ZNF268: variants seen among roughly 807,000 people sequenced by gnomAD.
ZNF268 encodes zinc finger protein 3.
Under a neutral mutation model 29.3 loss-of-function variants are expected in ZNF268, and 20 were observed. The observed-to-expected ratio is 0.68, with a 90% CI of 0.48 to 0.99. ZNF268 has a LOEUF of 0.99. Among genes scored for constraint, ZNF268 ranks in the 50% least tolerant of loss-of-function variants. The probability of loss-of-function intolerance (pLI) is 0.00; values close to 1 mark genes in which losing one functional copy is unlikely to be tolerated. For synonymous variants in ZNF268, 429 were observed against 376.9 expected, an observed-to-expected ratio of 1.14 and a Z score of -1.60; for missense variants, 1,240 against 1,121.6, an observed-to-expected ratio of 1.11 and a Z score of -1.51.
intron 5 of ZNF268, chr12:133,193,591 A>G: frequency 1.7e-6 from 1 of 575,896 alleles, no homozygotes; most frequent in Non-Finnish European, 3.1e-6. Flanking sequence ...CATTCCCTCA[A>G]GCCCTTTTAG....
rs920537444 is a variant in ZNF268, at chr12:133,205,380, A to G, written c.*850A>G. ...TAAGAAATAACATCCCAGAGCCTAC[A>G]GGGATATTTAGATATCTTCCTATGT... On this transcript the variant is annotated 3_prime_UTR_variant, in exon 6 of 6. Coordinates refer to ENST00000536435, the MANE Select transcript of ZNF268 (RefSeq NM_003415.3). The G allele has an allele frequency of 2.0e-5, 3 of 152,222 alleles. No homozygotes were observed. In the South Asian group the frequency reaches 6.2e-4, roughly 32 times the overall value. The allele number at this position is 152,222 out of a possible 1,614,324, so 9.4% of individuals were successfully genotyped here.
rs1286587451 is a variant in ZNF268 at position 133,212,516 on chromosome 12, CAT to C, written c.*7988_*7989del. 2.1e-4 allele frequency: 14 copies of C among 67,580 alleles called. No homozygotes were observed. The highest frequency in any genetic ancestry group is 3.1e-4 in the Non-Finnish European group (11 of 35,654). The allele number at this position is 67,580 out of a possible 1,614,324, so 4.2% of individuals were successfully genotyped here. A position where few individuals can be genotyped will look rare whatever the true frequency, so the allele number is the denominator to read the frequency against. ...ATATATATGTATATATACACACACA[CAT>C]ACACACATATATACACATATATATA... On this transcript the variant is annotated 3_prime_UTR_variant, in exon 6 of 6. Coordinates refer to ENST00000536435, the MANE Select transcript of ZNF268 (RefSeq NM_003415.3).
chr12:133,184,608 T>C (rs1956260744), intron 2 of ZNF268: 1 of 349,182 alleles, frequency 2.9e-6, no homozygotes, highest in Non-Finnish European at 6.0e-6. Flanking sequence ...CGCACCTCTT[T>C]ATTTATTTAT....
At chr12:133,197,618 C>A (rs1007888791) in intron 5 of ZNF268, among the ~76,000 whole-genome samples, 2 of 152,210 alleles carry the variant, frequency 1.3e-5, no homozygotes, top group African/African-American at 4.8e-5. Flanking sequence ...GCCACACTGA[C>A]TTCCACAATG....
rs1957008578 is a variant in ZNF268, at chr12:133,212,881, ACTCT to A, written c.*8352_*8355del. On this transcript the variant is annotated 3_prime_UTR_variant, in exon 6 of 6. Coordinates refer to ENST00000536435, the MANE Select transcript of ZNF268 (RefSeq NM_003415.3). Reference sequence around the variant, plus strand: ...TTTGGTTTTTTTGAAATGGAGTTTCACTCTGTCACCCAGGCTGGAGTGCAGTGGC... The same window carrying A: ...TTTGGTTTTTTTGAAATGGAGTTTCAGTCACCCAGGCTGGAGTGCAGTGGC... 1 of 151,904 alleles carries A rather than the reference ACTCT, an allele frequency of 6.6e-6. No homozygotes were observed. The highest frequency in any genetic ancestry group is 2.1e-4 in the South Asian group (1 of 4,814). 9.4% of individuals were successfully genotyped at this position (151,904 alleles called of 1,614,324 possible).
chr12:133,211,672 TAAAAC>T lies in ZNF268; in HGVS notation c.*7145_*7149del, dbSNP rs1566396457. The T allele has an allele frequency of 2.0e-5, 3 of 152,132 alleles. No homozygotes were observed. Among genetic ancestry groups the T allele is most frequent in the African/African-American group, 7.3e-5 (3 of 41,312 alleles). The allele number at this position is 152,132 out of a possible 1,614,324, so 9.4% of individuals were successfully genotyped here. ...CACTTGTCATGAGGGAAAAGCAAAT[TAAAAC>T]AACGAGATAGCACCGCACATCTATT... On this transcript the variant is annotated 3_prime_UTR_variant, in exon 6 of 6. Coordinates refer to ENST00000536435, the MANE Select transcript of ZNF268 (RefSeq NM_003415.3).
In ZNF268 at chr12:133,203,322, C is replaced by T; in HGVS notation, c.1636C>T (p.His546Tyr). 2 of 1,544,526 alleles carry T rather than the reference C, an allele frequency of 1.3e-6. No individual in the cohort carries two copies. The highest frequency in any genetic ancestry group is 1.2e-5 in the South Asian group (1 of 84,360). ...AFSFKSQLII[H>Y]QRIHTGENPY... ...CAGTTTTAAATCACAGCTCATTATACATCAGAGGATTCATACAGGAGAGAA... is the reference window on the plus strand; with the variant it reads ...CAGTTTTAAATCACAGCTCATTATATATCAGAGGATTCATACAGGAGAGAA... The change falls in exon 6 of 6, where the codon CAT becomes TAT. Residue 546 changes from histidine to tyrosine, a missense_variant. Around this residue, in one of 3 missense-constraint regions of ZNF268, gnomAD observed 1,177 missense variants for 1,039.6 expected, o/e 1.13. Coordinates refer to ENST00000536435, the MANE Select transcript of ZNF268 (RefSeq NM_003415.3).
Position 133,191,477 on chromosome 12 carries a change from A to T in ZNF268, c.235-12A>T, listed in dbSNP as rs367922004. ...AAATAACTTGAAATTGGATGAGCAT[A>T]TTGTATTTCAGGGACCTTTGTCATT... On this transcript the variant is annotated splice_polypyrimidine_tract_variant and intron_variant, in intron 3 of 5. Transcript: ENST00000536435. The T allele has an allele frequency of 1.2e-5, 19 of 1,613,828 alleles. No homozygotes were observed. The African/African-American group carries it at 2.3e-4, about 19-fold the overall frequency.
At chr12:133,181,746 C>T (rs899328522) in intron 1 of ZNF268, 60 bp downstream of exon 1, 5 of 549,620 alleles carry the variant, frequency 9.1e-6, no homozygotes, top group Non-Finnish European at 1.6e-5. Context: ...TGCCTTAGCT[C>T]TCTCCTGCTG....
chr12:133,195,621 C>G (rs998309257), intron 5 of ZNF268, among the ~76,000 whole-genome samples: 2 of 152,238 alleles, frequency 1.3e-5, no homozygotes, highest in Admixed American at 1.3e-4. Flanking sequence ...GTTGGAAGAT[C>G]AGTTGAGTCT....
chr12:133,190,846 G>T (rs1321244331), intron 3 of ZNF268, among the ~76,000 whole-genome samples: 2 of 152,082 alleles, frequency 1.3e-5, no homozygotes, highest in African/African-American at 4.8e-5. Context: ...AGTGCTAAAA[G>T]CTTCTTGGTG....
rs966355826 is a variant in ZNF268 at position 133,204,132 on chromosome 12, G to A, written c.2446G>A (p.Ala816Thr). Residue 816 changes from alanine to threonine, a missense_variant, in exon 6 of 6, where the codon GCC becomes ACC. Ala to Thr is a moderately conservative substitution (Grantham distance 58, BLOSUM62 0). Transcript: ENST00000536435. ...ATATGAATGTAATGAATGTGGGAAA[G>A]CCTTCATTTGGAAATCACTACTCAT... ...KPYECNECGK[A>T]FIWKSLLIVH... 5 of 1,543,858 alleles carry A rather than the reference G, an allele frequency of 3.2e-6. No homozygotes were observed. In the African/African-American group the frequency reaches 5.5e-5, roughly 17 times the overall value.
At chr12:133,183,871 A>C (rs112287934) in intron 2 of ZNF268, among the ~76,000 whole-genome samples, 2,253 of 152,334 alleles carry the variant, frequency 0.015, 22 homozygotes, top group South Asian at 0.043. Flanking sequence ...AGTAAGACAA[A>C]ATAGAGACAT....
rs1956943969 is a variant in ZNF268 at position 133,208,967 on chromosome 12, T to TG, written c.*4439dup. ...TGCATTTTTTTTTTTTTTTTTGAGA[T>TG]GGAGTCTCGCTGTATTGCCAGGCTG... On this transcript the variant is annotated 3_prime_UTR_variant, in exon 6 of 6. Transcript: ENST00000536435. 1 of 137,516 alleles carries TG rather than the reference T, an allele frequency of 7.3e-6. No homozygotes were observed. The highest frequency in any genetic ancestry group is 2.7e-5 in the African/African-American group (1 of 37,094). 8.5% of individuals were successfully genotyped at this position (137,516 alleles called of 1,614,324 possible).
At position 133,204,088 on chromosome 12, in the gene ZNF268, C is replaced by A; in HGVS notation, c.2402C>A (p.Thr801Asn). ...SKSYLIIHMR[T>N]HSGEKPYECN... is the part of the protein sequence containing the mutation. ...TCATACCTAATTATACACATGAGAACTCATTCAGGTGAAAAACCATATGAA... is the reference window on the plus strand; with the variant it reads ...TCATACCTAATTATACACATGAGAAATCATTCAGGTGAAAAACCATATGAA... The change falls in exon 6 of 6, where the codon ACT (threonine) becomes AAT (asparagine). Residue 801 changes from threonine (T) to asparagine (N), a missense_variant. Physicochemically the swap from Thr to Asn is moderately conservative, Grantham distance 65. This residue lies in a region of ZNF268 where 1,177 missense variants were observed against 1,039.6 expected (regional missense o/e 1.13). Coordinates refer to ENST00000536435, the MANE Select transcript of ZNF268 (RefSeq NM_003415.3). 1 of 1,549,822 alleles carries A rather than the reference C, an allele frequency of 6.5e-7. No homozygotes were observed. Among genetic ancestry groups the A allele is most frequent in the Non-Finnish European group, 8.7e-7 (1 of 1,150,068 alleles).
In ZNF268 at chr12:133,208,984, G is replaced by GC. The variant is rs1328315240; in HGVS notation, c.*4456dup. The GC allele has an allele frequency of 7.5e-6, 1 of 133,914 alleles. No individual in the cohort carries two copies. 8.3% of individuals were successfully genotyped at this position (133,914 alleles called of 1,614,324 possible). ...TTTTGAGATGGAGTCTCGCTGTATT[G>GC]CCAGGCTGGAGTGCAGTGGTGTGTT... On this transcript the variant is annotated 3_prime_UTR_variant, in exon 6 of 6. Transcript: ENST00000536435.
At chr12:133,193,466 G>T (rs1956522019) in intron 5 of ZNF268, 1 of 697,136 alleles carries the variant, frequency 1.4e-6, no homozygotes, top group Non-Finnish European at 2.6e-6. Flanking sequence ...GGTGCTGGCA[G>T]GTTTGGTGTC....
In ZNF268 at chr12:133,204,539, C is replaced by T. The variant is rs368554869; in HGVS notation, c.*9C>T. ...TAGATGACAAACATTGATAATTTTA[C>T]GAAACTCTGAAAAGTGGATTCACAA... On this transcript the variant is annotated 3_prime_UTR_variant, in exon 6 of 6. Transcript: ENST00000536435. 3.9e-4 allele frequency: 580 copies of T among 1,476,804 alleles called. 1 individual carries two copies. The highest frequency in any genetic ancestry group is 4.7e-4 in the Non-Finnish European group (522 of 1,118,184). 91.5% of individuals were successfully genotyped at this position (1,476,804 alleles called of 1,614,324 possible). A position where few individuals can be genotyped will look rare whatever the true frequency, so the allele number is the denominator to read the frequency against.
rs1413782998 is a variant in ZNF268 at position 133,203,086 on chromosome 12, C to T, written c.1400C>T (p.Thr467Ile). The T allele has an allele frequency of 1.3e-6, 2 of 1,537,592 alleles. No homozygotes were observed. The highest frequency in any genetic ancestry group is 1.7e-6 in the Non-Finnish European group (2 of 1,146,944). The change falls in exon 6 of 6, where the codon ACA (threonine) becomes ATA (isoleucine). Residue 467 changes from threonine to isoleucine, a missense_variant. Physicochemically the swap from Thr to Ile is moderately conservative, Grantham distance 89 (BLOSUM62 -1). Around this residue, in one of 3 missense-constraint regions of ZNF268, gnomAD observed 1,177 missense variants for 1,039.6 expected, o/e 1.13. Transcript: ENST00000536435. ...CTCATTGTACATCAGGGGATTCACACAGGAGTAAAGCCCTATGGGTGTATT... is the reference window on the plus strand; with the variant it reads ...CTCATTGTACATCAGGGGATTCACATAGGAGTAAAGCCCTATGGGTGTATT... ...SQLIVHQGIH[T>I]GVKPYGCIQC...
Sources: gnomAD v4.1 joint callset for allele counts (sites outside exome capture counted in the v4.1 genomes callset) on GRCh38, gnomAD v4.1.1 for gene constraint, gnomAD v4.1.1 regional missense constraint, MANE v1.5 for transcripts, NCBI Gene and HGNC (gene_info 2026-07-23, HGNC 2026-07-21) for gene names.